Variants in RPS6KA6 observed in about 807,000 individuals in gnomAD.
The protein encoded by RPS6KA6 is ribosomal protein S6 kinase alpha-6.
Under a neutral mutation model 65.4 loss-of-function variants are expected in RPS6KA6, and 27 were observed. The ratio of observed to expected loss-of-function variants is 0.41; its 90% CI spans 0.30 to 0.57. The LOEUF (loss-of-function observed/expected upper bound fraction) is 0.57, where lower values mean the gene tolerates loss of function less well. RPS6KA6 is among the 20% of genes least tolerant of loss of function. RPS6KA6 has a pLI of 0.24. For missense variants in RPS6KA6, 486 were observed against 555.6 expected (o/e 0.87, Z 1.26); for synonymous variants, 190 against 184.2 (o/e 1.03, Z -0.26).
intron 20 of RPS6KA6, among the ~76,000 whole-genome samples, chrX:84,068,292 T>G (rs2147325833): frequency 8.9e-6 from 1 of 112,424 alleles, no homozygotes; most frequent in South Asian, 3.7e-4. Context: ...GTAAATGGGC[T>G]AAATGCTTTC....
intron 3 of RPS6KA6, among the ~76,000 whole-genome samples, chrX:84,150,910 G>GAGGATATATATAGGATATATATAT (rs2035297097): frequency 1.2e-5 from 1 of 81,343 alleles, no homozygotes; most frequent in African/African-American, 4.8e-5. Context: ...AGGATATATA[G>GAGGATATATATAGGATATATATAT]AGAGGATATA....
rs773036717 is a variant in RPS6KA6 at position 84,150,063 on chromosome X, T to A, written c.259-1940A>T. ...TGTAGCATTACCTTACACTTTTATGTTACGAAAATGGCTTCTTTCCTTTTT... is the reference window on the plus strand; with the variant it reads ...TGTAGCATTACCTTACACTTTTATGATACGAAAATGGCTTCTTTCCTTTTT... On this transcript the variant is annotated intron_variant, in intron 3 of 21. Coordinates refer to ENST00000262752, the MANE Select transcript of RPS6KA6 (RefSeq NM_014496.5). Among the ~76,000 whole-genome samples, 261 of 85,094 alleles carry A rather than the reference T, an allele frequency of 3.1e-3. 2 individuals carry two copies. Among genetic ancestry groups the A allele is most frequent in the African/African-American group, 8.9e-3 (251 of 28,230 alleles). 73.9% of individuals were successfully genotyped at this position (85,094 alleles called of 115,157 possible).
intron 1 of RPS6KA6, among the ~76,000 whole-genome samples, chrX:84,184,430 A>C (rs916854149): frequency 8.9e-6 from 1 of 112,068 alleles, no homozygotes; most frequent in South Asian, 3.7e-4. Context: ...AAGTTTATTA[A>C]ACCCAGCACT....
intron 1 of RPS6KA6, among the ~76,000 whole-genome samples, chrX:84,166,091 C>T (rs1321615105): frequency 8.9e-6 from 1 of 112,104 alleles, no homozygotes; most frequent in East Asian, 2.8e-4. Context: ...AATAATTGCT[C>T]GTCTCAGACT....
At chrX:84,084,985 T>C (rs1417646923) in intron 20 of RPS6KA6, among the ~76,000 whole-genome samples, 1 of 111,215 alleles carries the variant, frequency 9.0e-6, no homozygotes, top group African/African-American at 3.3e-5. Flanking sequence ...TGGGAGTTCA[T>C]TTATGATTTG....
intron 7 of RPS6KA6, 48 bp from the exon 8 acceptor site, chrX:84,134,867 A>T (rs752787770): frequency 2.2e-6 from 2 of 924,754 alleles, no homozygotes; most frequent in East Asian, 6.4e-5. Context: ...AATATTTTAC[A>T]TAAAACATTT....
At chrX:84,079,499 G>T (rs994506824) in intron 20 of RPS6KA6, among the ~76,000 whole-genome samples, 3 of 109,961 alleles carry the variant, frequency 2.7e-5, no homozygotes, top group Non-Finnish European at 5.7e-5. Flanking sequence ...CTGGAAAGGG[G>T]GCTGAAGCCA....
intron 18 of RPS6KA6, among the ~76,000 whole-genome samples, chrX:84,100,750 T>G (rs2034243641): frequency 9.1e-6 from 1 of 110,102 alleles, no homozygotes; most frequent in Non-Finnish European, 1.9e-5. Flanking sequence ...CAGTACAATA[T>G]GTTGTAACAG....
Position 84,105,882 on chromosome X carries a change from A to T in RPS6KA6, c.1366-6T>A. The T allele has an allele frequency of 9.8e-7, 1 of 1,021,892 alleles. No individual in the cohort carries two copies. Among genetic ancestry groups the T allele is most frequent in the East Asian group, 3.1e-5 (1 of 32,490 alleles). The allele number at this position is 1,021,892 out of a possible 1,213,427, so 84.2% of individuals were successfully genotyped here. ...CGCTTACTTTTGTCAATGATCTAAG[A>T]AATACGAAAAAAGAAAAATATCTGA... On this transcript the variant is annotated splice_region_variant and splice_polypyrimidine_tract_variant and intron_variant, in intron 15 of 21. Transcript: ENST00000262752.
chrX:84,097,979 A>T, intron 18 of RPS6KA6, 131 bp from the exon 19 acceptor site: 1 of 468,029 alleles, frequency 2.1e-6, no homozygotes, highest in Non-Finnish European at 3.7e-6. Context: ...ATGCACTTGT[A>T]GTAAAGACAT....
chrX:84,111,233 A>G (rs1050180246), intron 12 of RPS6KA6, among the ~76,000 whole-genome samples: 1 of 110,876 alleles, frequency 9.0e-6, no homozygotes, highest in Non-Finnish European at 1.9e-5. Flanking sequence ...TTATAGGCAG[A>G]AAGAAAAAAG....
chrX:84,093,933 T>C (rs986753277), intron 20 of RPS6KA6, among the ~76,000 whole-genome samples: 20 of 111,414 alleles, frequency 1.8e-4, no homozygotes, highest in African/African-American at 6.5e-4. Context: ...CTTTTTGGTA[T>C]GACTTGTTGT....
At chrX:84,116,164 A>G in intron 12 of RPS6KA6, 65 bp downstream of exon 12, 1 of 613,221 alleles carries the variant, frequency 1.6e-6, no homozygotes. Context: ...TAAAAGCAAT[A>G]AATCTTTAAT....
intron 20 of RPS6KA6, among the ~76,000 whole-genome samples, chrX:84,082,475 T>G (rs1171292105): frequency 8.9e-6 from 1 of 112,286 alleles, no homozygotes; most frequent in Admixed American, 9.4e-5. Context: ...AAACATTCCA[T>G]GCTCATGGAT....
chrX:84,088,615 C>T (rs1345829907), intron 20 of RPS6KA6, among the ~76,000 whole-genome samples: 2 of 112,031 alleles, frequency 1.8e-5, no homozygotes, highest in African/African-American at 6.5e-5. Context: ...GGATCAGGAT[C>T]CCACTTTAAG....
intron 5 of RPS6KA6, among the ~76,000 whole-genome samples, chrX:84,145,814 T>C (rs1279988531): frequency 1.8e-5 from 2 of 110,991 alleles, no homozygotes; most frequent in Non-Finnish European, 3.8e-5. Context: ...ATGAAGCATG[T>C]TATACTGCAA....
chrX:84,164,305 A>C (rs780775661), intron 2 of RPS6KA6, 23 bp downstream of exon 2: 1 of 1,124,768 alleles, frequency 8.9e-7, no homozygotes, highest in African/African-American at 1.8e-5. Context: ...AATGTGGCTT[A>C]ATAAATTAAC....
intron 3 of RPS6KA6, among the ~76,000 whole-genome samples, chrX:84,155,491 A>G (rs2035400364): frequency 8.9e-6 from 1 of 112,103 alleles, no homozygotes; most frequent in African/African-American, 3.2e-5. Context: ...TTAAGTGCTT[A>G]ATAAACAACT....
At chrX:84,149,008 G>A (rs6622931) in intron 3 of RPS6KA6, among the ~76,000 whole-genome samples, 5,550 of 111,582 alleles carry the variant, frequency 0.05, 198 homozygotes, top group East Asian at 0.2. Context: ...AAATCCTACC[G>A]CTTTATTAAA....
Sources: allele counts gnomAD v4.1 joint callset (sites outside exome capture counted in the v4.1 genomes callset), GRCh38; gene constraint gnomAD v4.1.1; transcripts MANE v1.5; gene names NCBI Gene and HGNC (gene_info 2026-07-23, HGNC 2026-07-21).